SGSM2: variants seen among roughly 807,000 people sequenced by gnomAD.
SGSM2 encodes the protein RUN and TBC1 domain containing 1.
A neutral mutation model predicts 126.6 loss-of-function variants in SGSM2; 89 were observed. That is an observed-to-expected ratio of 0.70 (90% CI 0.59 to 0.84). SGSM2 has a LOEUF of 0.84. Among genes scored for constraint, SGSM2 ranks in the 40% least tolerant of loss-of-function variants. The pLI, the probability that SGSM2 is intolerant of heterozygous loss-of-function variation, is 0.00. For synonymous variants in SGSM2, 614 were observed against 574.3 expected (o/e 1.07, Z -0.99); for missense variants, 1,404 against 1,416.6 (o/e 0.99, Z 0.14).
rs766653047 is a variant in SGSM2, at chr17:2,364,154, G to A, written c.903G>A (p.Gly301=). Residue 301 remains glycine (G), a synonymous_variant, in exon 8 of 24, where the codon GGG becomes GGA. Transcript: ENST00000268989. ...LKWTPNQLMN[G]TLGDSELEKS... ...GGACCCCCAACCAGCTCATGAATGG[G>A]ACTCTGGGGGACTCCGAGCTGGAAA... 8 of 1,613,872 alleles carry A rather than the reference G, an allele frequency of 5.0e-6. No individual in the cohort carries two copies. Among genetic ancestry groups the A allele is most frequent in the Non-Finnish European group, 5.9e-6 (7 of 1,180,034 alleles).
chr17:2,370,805 G>A (rs552834474), intron 12 of SGSM2, among the ~76,000 whole-genome samples: 122 of 152,340 alleles, frequency 8.0e-4, no homozygotes, highest in Non-Finnish European at 1.3e-3. Flanking sequence ...GGAGGGGAGC[G>A]TTCAGAGTTG....
chr17:2,372,318 T>C lies in SGSM2; in HGVS notation c.1643-25T>C. On this transcript the variant is annotated intron_variant, in intron 14 of 23. Coordinates refer to ENST00000268989, the MANE Select transcript of SGSM2 (RefSeq NM_014853.3). This position sits in a 1 kb window ranked among gnomAD's most constrained non-coding sequence, Gnocchi z 6.0. ...CGGGCGGCCCTGGGTCCCAGCCTCC[T>C]GCTGCCCACCGCTGCCCACCGCAGG... The C allele has an allele frequency of 3.7e-6, 6 of 1,608,466 alleles. No homozygotes were observed. The highest frequency in any genetic ancestry group is 5.1e-6 in the Non-Finnish European group (6 of 1,177,670).
chr17:2,363,928 T>A lies in SGSM2; in HGVS notation c.808-131T>A. 1 of 1,105,678 alleles carries A rather than the reference T, an allele frequency of 9.0e-7. No homozygotes were observed. Among genetic ancestry groups the A allele is most frequent in the Admixed American group, 2.0e-5 (1 of 50,672 alleles). 68.5% of individuals were successfully genotyped at this position (1,105,678 alleles called of 1,614,324 possible). On this transcript the variant is annotated intron_variant, in intron 7 of 23. Coordinates refer to ENST00000268989, the MANE Select transcript of SGSM2 (RefSeq NM_014853.3). The surrounding 1 kb of genome is among the most constrained non-coding windows in gnomAD (Gnocchi z 4.2). ...CCTGTTTTCCTGTGCTTCTGCCCCG[T>A]CCCTAGTCCAGGACCCCGTGACTAG...
chr17:2,371,992 G>C (rs1355532045), intron 13 of SGSM2, 198 bp from the exon 14 acceptor site: 1 of 603,948 alleles, frequency 1.7e-6, no homozygotes, highest in Admixed American at 3.1e-5. Context: ...TTGGGGGCCA[G>C]GCGGGGGCCC....
chr17:2,362,899 C>T lies in SGSM2; in HGVS notation c.520C>T (p.Leu174Phe). ...TGTGTTCGGCCCGATCCTGGCCTCTCTTCTAGGTGAGCCTGAGAGCACAGG... is the reference window on the plus strand; with the variant it reads ...TGTGTTCGGCCCGATCCTGGCCTCTTTTCTAGGTGAGCCTGAGAGCACAGG... ...DPVFGPILAS[L>F]LVGPCALEYT... The change falls in exon 5 of 24, where the codon CTT becomes TTT. Residue 174 changes from leucine to phenylalanine, a missense_variant. Transcript: ENST00000268989. This position sits in a 1 kb window ranked among gnomAD's most constrained non-coding sequence, Gnocchi z 4.9. The T allele has an allele frequency of 1.2e-6, 2 of 1,614,218 alleles. No homozygotes were observed. The highest frequency in any genetic ancestry group is 1.1e-5 in the South Asian group (1 of 91,092).
At position 2,361,799 on chromosome 17, in the gene SGSM2, G is replaced by A. The variant is rs767604216; in HGVS notation, c.296G>A (p.Arg99Lys). ...GAGCTGCAGCAACAAGCAGAGGGCA[G>A]GTGAGCCCTGGGCCAGCCCCTTCTT... Reference protein sequence around the residue: ...VQELQQQAEGRKPSGVSQEAL... With the variant: ...VQELQQQAEGKKPSGVSQEAL... Residue 99 changes from arginine (R) to lysine (K), a missense_variant and splice_region_variant, in exon 3 of 24, where the codon AGG (arginine) becomes AAG (lysine). By Grantham distance (26) the Arg-to-Lys change is conservative (BLOSUM62 2). Coordinates refer to ENST00000268989, the MANE Select transcript of SGSM2 (RefSeq NM_014853.3). 6.2e-7 allele frequency: 1 copy of A among 1,601,698 alleles called. No homozygotes were observed. Among genetic ancestry groups the A allele is most frequent in the Admixed American group, 1.7e-5 (1 of 59,448 alleles).
rs200527159 is a variant in SGSM2 at position 2,373,067 on chromosome 17, A to G, written c.1903A>G (p.Lys635Glu). The G allele has an allele frequency of 7.5e-6, 12 of 1,609,934 alleles. No homozygotes were observed. Among genetic ancestry groups the G allele is most frequent in the East Asian group, 6.7e-5 (3 of 44,642 alleles). Residue 635 changes from lysine (K) to glutamate (E), a missense_variant, in exon 16 of 24, where the codon AAG (lysine) becomes GAG (glutamate). Transcript: ENST00000268989. ...LGHYKFGMSKKEMEQVDAVVA... is the reference protein window; with the variant it reads ...LGHYKFGMSKEEMEQVDAVVA... ...CCACTACAAGTTCGGCATGAGCAAGAAGGAGATGGAGCAGGTGAGGGGAGC... is the reference window on the plus strand; with the variant it reads ...CCACTACAAGTTCGGCATGAGCAAGGAGGAGATGGAGCAGGTGAGGGGAGC...
rs373657138 is a variant in SGSM2, at chr17:2,362,138, T to A, written c.326T>A (p.Leu109Gln). 1.2e-6 allele frequency: 2 copies of A among 1,613,410 alleles called. No homozygotes were observed. The highest frequency in any genetic ancestry group is 1.7e-6 in the Non-Finnish European group (2 of 1,179,904). The change falls in exon 4 of 24, where the codon CTG becomes CAG. Residue 109 changes from leucine to glutamine, a missense_variant. Physicochemically the swap from Leu to Gln is moderately radical, Grantham distance 113 (BLOSUM62 -2). Coordinates refer to ENST00000268989, the MANE Select transcript of SGSM2 (RefSeq NM_014853.3). This position sits in a 1 kb window ranked among gnomAD's most constrained non-coding sequence, Gnocchi z 4.9. ...RKPSGVSQEA[L>Q]RRQGSASGKA... is the part of the protein sequence containing the mutation. ...CCCTCAGGGGTCAGCCAGGAGGCCCTGCGGAGACAGGGCTCAGCCAGCGGG... is the reference window on the plus strand; with the variant it reads ...CCCTCAGGGGTCAGCCAGGAGGCCCAGCGGAGACAGGGCTCAGCCAGCGGG...
intron 1 of SGSM2, among the ~76,000 whole-genome samples, chr17:2,340,218 G>T (rs908822172): frequency 6.6e-6 from 1 of 151,672 alleles, no homozygotes; most frequent in African/African-American, 2.4e-5. Flanking sequence ...GGGTTCAAGC[G>T]ATTTCCCTGC....
intron 2 of SGSM2, among the ~76,000 whole-genome samples, chr17:2,348,609 G>C (rs1359652278): frequency 6.6e-6 from 1 of 152,102 alleles, no homozygotes; most frequent in Non-Finnish European, 1.5e-5. Flanking sequence ...TCACATCCTG[G>C]CTGTGCCACG....
At position 2,361,805 on chromosome 17, in the gene SGSM2, C is replaced by T; in HGVS notation, c.296+6C>T. ...CAGCAACAAGCAGAGGGCAGGTGAG[C>T]CCTGGGCCAGCCCCTTCTTCCCTCC... On this transcript the variant is annotated splice_donor_region_variant and intron_variant, in intron 3 of 23. Coordinates refer to ENST00000268989, the MANE Select transcript of SGSM2 (RefSeq NM_014853.3). 1.9e-6 allele frequency: 3 copies of T among 1,594,638 alleles called. No homozygotes were observed. The highest frequency in any genetic ancestry group is 1.1e-5 in the South Asian group (1 of 89,356).
chr17:2,379,481 C>A lies in SGSM2; in HGVS notation c.3117C>A (p.Asp1039Glu). 5 of 1,613,728 alleles carry A rather than the reference C, an allele frequency of 3.1e-6. No homozygotes were observed. The highest frequency in any genetic ancestry group is 4.2e-6 in the Non-Finnish European group (5 of 1,179,824). Residue 1039 changes from aspartate to glutamate, a missense_variant, in exon 24 of 24, where the codon GAC becomes GAA. Physicochemically the swap from Asp to Glu is conservative, Grantham distance 45. Coordinates refer to ENST00000268989, the MANE Select transcript of SGSM2 (RefSeq NM_014853.3). The part of the protein sequence containing the change: ...DAQEILRIAR[D>E]LVHKVQMLIE... ...AGGAGATCCTGCGGATTGCCCGGGA[C>A]CTCGTCCACAAGGTGCAGATGCTCA...
Position 2,358,877 on chromosome 17 carries a change from T to G in SGSM2, c.134-2760T>G, listed in dbSNP as rs1352892362. On this transcript the variant is annotated intron_variant, in intron 2 of 23. Transcript: ENST00000268989. ...CTCTTTTTTGTTGTTGTTGTTGTTT[T>G]TTTTTTTTTTTTTTTTTGAGACAAA... Among the ~76,000 whole-genome samples the G allele has an allele frequency of 1.4e-4, 15 of 104,780 alleles. No individual in the cohort carries two copies. The South Asian group carries it at 4.3e-3, about 30-fold the overall frequency. The allele number at this position is 104,780 out of a possible 152,430, so 68.7% of individuals were successfully genotyped here.
At chr17:2,348,823 T>G (rs541889425) in intron 2 of SGSM2, among the ~76,000 whole-genome samples, 1 of 152,216 alleles carries the variant, frequency 6.6e-6, no homozygotes, top group South Asian at 2.1e-4. Context: ...AGTGCAGTGG[T>G]GTGATCATAG....
chr17:2,363,568 T>G lies in SGSM2; in HGVS notation c.776T>G (p.Leu259Arg). Residue 259 changes from leucine (L) to arginine (R), a missense_variant, in exon 7 of 24, where the codon CTC becomes CGC. Transcript: ENST00000268989. The surrounding 1 kb of genome is among the most constrained non-coding windows in gnomAD (Gnocchi z 4.2). Reference sequence around the variant, plus strand: ...CACCAGAACTCACGGACGCGGCTGCTCTATGGCAAGAACCACGTGCTGGTG... The same window carrying G: ...CACCAGAACTCACGGACGCGGCTGCGCTATGGCAAGAACCACGTGCTGGTG... ...SLHQNSRTRLLYGKNHVLVQP... is the reference protein window; with the variant it reads ...SLHQNSRTRLRYGKNHVLVQP... 1.2e-6 allele frequency: 2 copies of G among 1,613,424 alleles called. No individual in the cohort carries two copies. The highest frequency in any genetic ancestry group is 1.7e-6 in the Non-Finnish European group (2 of 1,179,922).
chr17:2,376,295 G>A lies in SGSM2; in HGVS notation c.2609+34G>A, dbSNP rs750915863. ...TGGGGCGGGGCTCAGGGTGGGAGGC[G>A]GGACCCTGCCGCCAGTTACTCTGTG... On this transcript the variant is annotated intron_variant, in intron 19 of 23. Transcript: ENST00000268989. 8.2e-6 allele frequency: 13 copies of A among 1,588,438 alleles called. No homozygotes were observed. In the East Asian group the frequency reaches 1.6e-4, roughly 19 times the overall value.
At position 2,337,734 on chromosome 17, in the gene SGSM2, G is replaced by C. The variant is rs1215547488; in HGVS notation, c.46G>C (p.Val16Leu). The C allele has an allele frequency of 2.6e-6, 4 of 1,542,938 alleles. No homozygotes were observed. Among genetic ancestry groups the C allele is most frequent in the South Asian group, 1.2e-5 (1 of 84,166 alleles). ...AGTCAAAGAGAAACTGCTGTGGAAC[G>C]TGAAGAAGGAGGTAAAGTCGAGTCA... Reference protein sequence around the residue: ...DAVKEKLLWNVKKEVKQIMEE... With the variant: ...DAVKEKLLWNLKKEVKQIMEE... Residue 16 changes from valine (V) to leucine (L), a missense_variant, in exon 1 of 24, where the codon GTG becomes CTG. Val to Leu is a conservative substitution (Grantham distance 32). Transcript: ENST00000268989. This position sits in a 1 kb window ranked among gnomAD's most constrained non-coding sequence, Gnocchi z 5.1.
chr17:2,340,751 A>T (rs966720060), intron 1 of SGSM2, among the ~76,000 whole-genome samples: 45 of 151,614 alleles, frequency 3.0e-4, no homozygotes, highest in Non-Finnish European at 5.6e-4. Flanking sequence ...CGCCCGGCTA[A>T]TTTTTTGTAT....
intron 12 of SGSM2, among the ~76,000 whole-genome samples, chr17:2,368,417 C>T (rs1246823552): frequency 6.6e-6 from 1 of 152,176 alleles, no homozygotes; most frequent in Non-Finnish European, 1.5e-5. Flanking sequence ...CCACCCATTC[C>T]CATGCTACAA....
Sources: gnomAD v4.1 joint callset for allele counts (sites outside exome capture counted in the v4.1 genomes callset) on GRCh38, gnomAD v4.1.1 for gene constraint, Gnocchi (gnomAD v3.1) non-coding constraint, MANE v1.5 for transcripts, NCBI Gene and HGNC (gene_info 2026-07-23, HGNC 2026-07-21) for gene names.